The following TRMT9B variants were observed in gnomAD, a reference collection of about 807,000 sequenced individuals.
TRMT9B encodes the protein probable tRNA methyltransferase 9B.
A neutral mutation model predicts 11.5 loss-of-function variants in TRMT9B; 16 were observed. The observed-to-expected ratio is 1.39, with a 90% confidence interval of 0.94 to 2.11. The LOEUF (loss-of-function observed/expected upper bound fraction) is 2.11. Among genes scored for constraint, TRMT9B ranks in the 30% most tolerant of loss-of-function variants. TRMT9B has a pLI of 0.00. For missense variants in TRMT9B, 941 were observed against 553.8 expected, an observed-to-expected ratio of 1.70 and a Z score of -7.02; for synonymous variants, 274 against 192.4, an observed-to-expected ratio of 1.42 and a Z score of -3.51.
intron 1 of TRMT9B, among the ~76,000 whole-genome samples, chr8:12,978,476 G>T (rs1191991085): frequency 6.7e-6 from 1 of 148,388 alleles, no homozygotes; most frequent in Non-Finnish European, 1.5e-5. Flanking sequence ...CCAGACAGTT[G>T]CTGCTAACCC....
rs377487749 is a variant in TRMT9B, at chr8:12,963,561, GC to G, written c.-200+17596del. Among the ~76,000 whole-genome samples the G allele has an allele frequency of 3.2e-4, 48 of 152,208 alleles. 1 individual carries two copies. In the East Asian group the frequency reaches 9.1e-3, roughly 29 times the overall value. On this transcript the variant is annotated intron_variant, in intron 1 of 4. Coordinates refer to ENST00000524591, the MANE Select transcript of TRMT9B (RefSeq NM_020844.3). ...GCCCAGGAATTCAAGGCCAGCCTGG[GC>G]AACATGGTGAAACCCCGTCTCTACA... is the stretch of plus-strand genomic sequence containing the variant.
At chr8:12,981,708 T>G (rs1344626923) in intron 1 of TRMT9B, among the ~76,000 whole-genome samples, 1 of 152,044 alleles carries the variant, frequency 6.6e-6, no homozygotes, top group East Asian at 1.9e-4. Context: ...CAAGTGATCA[T>G]CCAGCCTCAG....
At chr8:13,012,183 T>C in intron 3 of TRMT9B, 4 of 985,442 alleles carry the variant, frequency 4.1e-6, no homozygotes, top group Non-Finnish European at 4.8e-6. Flanking sequence ...TGCCTTTCTC[T>C]CTTCTATATG....
intron 1 of TRMT9B, among the ~76,000 whole-genome samples, chr8:12,969,163 C>T (rs1273311764): frequency 1.3e-5 from 2 of 152,076 alleles, no homozygotes; most frequent in South Asian, 2.1e-4. Context: ...GCTGAGATTG[C>T]GCCACTGCAC....
In TRMT9B at chr8:13,029,640, T is replaced by G. The variant is rs902025512; in HGVS notation, c.*7596T>G. 1 of 159,874 alleles carries G rather than the reference T, an allele frequency of 6.3e-6. No homozygotes were observed. The highest frequency in any genetic ancestry group is 2.4e-5 in the African/African-American group (1 of 41,456). 9.9% of individuals were successfully genotyped at this position (159,874 alleles called of 1,614,324 possible). A position where few individuals can be genotyped will look rare whatever the true frequency, so the allele number is the denominator to read the frequency against. On this transcript the variant is annotated 3_prime_UTR_variant, in exon 5 of 5. Coordinates refer to ENST00000524591, the MANE Select transcript of TRMT9B (RefSeq NM_020844.3). ...TCAACAGAACGGGGCAAGTTCGTAT[T>G]TGAATTCTGTTATATTTATCTAAGG...
intron 1 of TRMT9B, among the ~76,000 whole-genome samples, chr8:12,964,554 A>T (rs1010568312): frequency 6.6e-6 from 1 of 152,154 alleles, no homozygotes; most frequent in South Asian, 2.1e-4. Context: ...AACTCTAAAT[A>T]ATTGCTTTTT....
At chr8:12,992,240 A>G (rs12677379) in intron 2 of TRMT9B, among the ~76,000 whole-genome samples, 37,281 of 152,084 alleles carry the variant, frequency 0.25, 5,468 homozygotes, top group East Asian at 0.59. Context: ...AAAACATCAC[A>G]TTTCCATCTC....
intron 1 of TRMT9B, among the ~76,000 whole-genome samples, chr8:12,965,216 A>G (rs1802654641): frequency 6.6e-6 from 1 of 152,232 alleles, no homozygotes; most frequent in Non-Finnish European, 1.5e-5. Context: ...TGATATAAGC[A>G]TTCAAGCCAT....
chr8:12,953,123 G>A (rs146286063), intron 1 of TRMT9B, among the ~76,000 whole-genome samples: 7 of 152,308 alleles, frequency 4.6e-5, no homozygotes, highest in Non-Finnish European at 8.8e-5. Context: ...GGCTGTAAAC[G>A]TCTACTTGCA....
intron 2 of TRMT9B, among the ~76,000 whole-genome samples, chr8:12,997,111 T>C (rs1431910810): frequency 6.6e-6 from 1 of 152,028 alleles, no homozygotes; most frequent in Admixed American, 6.6e-5. Flanking sequence ...AATATGATAT[T>C]TGTGGAATGT....
rs988184625 is a variant in TRMT9B, at chr8:13,023,692, C to G, written c.*1648C>G. On this transcript the variant is annotated 3_prime_UTR_variant, in exon 5 of 5. Coordinates refer to ENST00000524591, the MANE Select transcript of TRMT9B (RefSeq NM_020844.3). Reference sequence around the variant, plus strand: ...TTTTTACTTTATGCTGGATGAAAATCCAAATCTTGTTTTATTTTTTCCACT... The same window carrying G: ...TTTTTACTTTATGCTGGATGAAAATGCAAATCTTGTTTTATTTTTTCCACT... 2 of 167,092 alleles carry G rather than the reference C, an allele frequency of 1.2e-5. No homozygotes were observed. The highest frequency in any genetic ancestry group is 6.8e-3 in the Middle Eastern group (2 of 296). 10.4% of individuals were successfully genotyped at this position (167,092 alleles called of 1,614,324 possible).
chr8:13,012,733 G>T lies in TRMT9B; in HGVS notation c.204G>T (p.Val68=). Residue 68 remains valine, a synonymous_variant, in exon 4 of 5, where the codon GTG becomes GTT. Transcript: ENST00000524591. ...YLKVNSQVHT[V]GCDYCGPLVE... ...AAGTGAACAGCCAGGTACATACCGT[G>T]GGCTGTGACTACTGTGGGCCACTGG... 1 of 1,614,016 alleles carries T rather than the reference G, an allele frequency of 6.2e-7. No homozygotes were observed. The highest frequency in any genetic ancestry group is 1.1e-5 in the South Asian group (1 of 91,084).
intron 4 of TRMT9B, 56 bp downstream of exon 4, chr8:13,012,913 T>A: frequency 6.3e-7 from 1 of 1,584,820 alleles, no homozygotes; most frequent in East Asian, 2.2e-5. Flanking sequence ...TGACCCGGTT[T>A]AGTCCGTTCT....
intron 1 of TRMT9B, among the ~76,000 whole-genome samples, chr8:12,950,448 G>T (rs1461359886): frequency 6.6e-6 from 1 of 152,150 alleles, no homozygotes; most frequent in Non-Finnish European, 1.5e-5. Flanking sequence ...TATTGTAGTT[G>T]TAGCTCCAGT....
At position 13,024,473 on chromosome 8, in the gene TRMT9B, T is replaced by A. The variant is rs1280820765; in HGVS notation, c.*2429T>A. 1.8e-5 allele frequency: 3 copies of A among 167,154 alleles called. No homozygotes were observed. The highest frequency in any genetic ancestry group is 1.3e-4 in the Admixed American group (2 of 15,284). The allele number at this position is 167,154 out of a possible 1,614,324, so 10.4% of individuals were successfully genotyped here. A position where few individuals can be genotyped will look rare whatever the true frequency, so the allele number is the denominator to read the frequency against. ...TGACGGCCTTTGAATTATGAATGGA[T>A]TGTTCCTCTCTCTGAAGCCTATTGT... On this transcript the variant is annotated 3_prime_UTR_variant, in exon 5 of 5. Transcript: ENST00000524591.
rs1813886388 is a variant in TRMT9B, at chr8:13,021,540, C to T, written c.861C>T (p.Ser287=). 3 of 1,613,822 alleles carry T rather than the reference C, an allele frequency of 1.9e-6. No individual in the cohort carries two copies. Among genetic ancestry groups the T allele is most frequent in the Non-Finnish European group, 2.5e-6 (3 of 1,179,778 alleles). ...GTAGCACTGTAACAGTCCAGCCTTC[C>T]AGACACTCTAGTTTAGACTTTGATC... ...WASSTVTVQP[S]RHSSLDFDHQ... The change falls in exon 5 of 5, where the codon TCC becomes TCT. Residue 287 remains serine (S), a synonymous_variant. Transcript: ENST00000524591.
chr8:12,985,930 G>A (rs1475009288), intron 1 of TRMT9B, among the ~76,000 whole-genome samples: 3 of 151,856 alleles, frequency 2.0e-5, no homozygotes, highest in Non-Finnish European at 4.4e-5. Flanking sequence ...GCGTGATCTT[G>A]GCTCACTGCA....
chr8:13,027,570 C>G lies in TRMT9B; in HGVS notation c.*5526C>G, dbSNP rs117193702. 1.0e-3 allele frequency: 175 copies of G among 167,152 alleles called. No individual in the cohort carries two copies. Among genetic ancestry groups the G allele is most frequent in the Non-Finnish European group, 1.3e-3 (91 of 68,116 alleles). 10.4% of individuals were successfully genotyped at this position (167,152 alleles called of 1,614,324 possible). ...TTCAGTCTCATTTCCTGCAGTTGCA[C>G]CCGATTTTTTCTGTTCTGCAATCTG... On this transcript the variant is annotated 3_prime_UTR_variant, in exon 5 of 5. Transcript: ENST00000524591.
intron 1 of TRMT9B, among the ~76,000 whole-genome samples, chr8:12,953,699 G>A (rs970489355): frequency 1.3e-5 from 2 of 152,200 alleles, no homozygotes; most frequent in African/African-American, 4.8e-5. Context: ...GGCTGGCTGA[G>A]AATACAGGGT....
Sources: allele counts gnomAD v4.1 joint callset (sites outside exome capture counted in the v4.1 genomes callset), GRCh38; gene constraint gnomAD v4.1.1; transcripts MANE v1.5; gene names NCBI Gene and HGNC (gene_info 2026-07-23, HGNC 2026-07-21).